The following APBB1IP variants were observed in gnomAD, a reference collection of about 807,000 sequenced individuals.
APBB1IP encodes the protein amyloid beta precursor protein binding family B member 1 interacting protein.
In APBB1IP, 27 loss-of-function variants were observed where a neutral mutation model predicts 64.9. The observed-to-expected ratio is 0.42, with a 90% CI of 0.31 to 0.57. APBB1IP has a LOEUF of 0.57. Among genes scored for constraint, APBB1IP ranks in the 20% least tolerant of loss-of-function variants. The probability of loss-of-function intolerance (pLI) is 0.20; values close to 1 mark genes in which losing one functional copy is unlikely to be tolerated. For synonymous variants in APBB1IP, 392 were observed against 331.0 expected (o/e 1.18, Z -2.00); for missense variants, 812 against 845.5 (o/e 0.96, Z 0.49).
In APBB1IP at chr10:26,545,872, C is replaced by A. The variant is rs145008690; in HGVS notation, c.1155+4180C>A. On this transcript the variant is annotated intron_variant, in intron 11 of 14. Transcript: ENST00000376236. ...GGCTGAGGTACGAGAATCGCTTGAA[C>A]CCCGGGAGGTGGAGGTTGCAGTGAG... is the stretch of plus-strand genomic sequence containing the variant. Among the ~76,000 whole-genome samples, 927 of 150,854 alleles carry A rather than the reference C, an allele frequency of 6.1e-3. 18 individuals carry two copies. Among genetic ancestry groups the A allele is most frequent in the South Asian group, 0.055 (264 of 4,766 alleles).
At chr10:26,504,540 T>A (rs1214758348) in intron 6 of APBB1IP, among the ~76,000 whole-genome samples, 2 of 152,036 alleles carry the variant, frequency 1.3e-5, no homozygotes, top group South Asian at 2.1e-4. Flanking sequence ...TGAAACCCTG[T>A]CTATACTAAA....
At chr10:26,554,780 G>T (rs970512506) in intron 11 of APBB1IP, among the ~76,000 whole-genome samples, 3 of 152,002 alleles carry the variant, frequency 2.0e-5, no homozygotes, top group Admixed American at 1.3e-4. Context: ...ATGGGGTTTA[G>T]CTATGTTGCC....
intron 8 of APBB1IP, among the ~76,000 whole-genome samples, chr10:26,530,228 C>CTTTTCTT (rs1554778617): frequency 3.5e-5 from 1 of 28,940 alleles, no homozygotes. Context: ...TTTTCTTTTT[C>CTTTTCTT]TTTTTTTTTT....
At chr10:26,561,322 C>T (rs1272706834) in intron 13 of APBB1IP, among the ~76,000 whole-genome samples, 2 of 150,940 alleles carry the variant, frequency 1.3e-5, no homozygotes, top group South Asian at 2.1e-4. Context: ...CCTGCCTCAG[C>T]CTCCCAAAGT....
chr10:26,551,944 T>C (rs1836836222), intron 11 of APBB1IP, among the ~76,000 whole-genome samples: 1 of 151,762 alleles, frequency 6.6e-6, no homozygotes, highest in East Asian at 1.9e-4. Flanking sequence ...GATGGATGGA[T>C]GGATGGATGG....
intron 7 of APBB1IP, among the ~76,000 whole-genome samples, chr10:26,513,127 A>G (rs1355876535): frequency 1.3e-5 from 2 of 152,230 alleles, no homozygotes; most frequent in African/African-American, 2.4e-5. Context: ...ATATGAAAAA[A>G]GTATGTCTCT....
chr10:26,503,106 C>T, intron 5 of APBB1IP, 91 bp from the exon 6 acceptor site: 1 of 1,214,630 alleles, frequency 8.2e-7, no homozygotes, highest in South Asian at 1.5e-5. Flanking sequence ...TTTGTTAATA[C>T]AACGTAGCTG....
At chr10:26,440,036 C>A (rs896500279) in intron 2 of APBB1IP, among the ~76,000 whole-genome samples, 11 of 152,220 alleles carry the variant, frequency 7.2e-5, no homozygotes, top group East Asian at 5.8e-4. Flanking sequence ...GTCTGCTCAA[C>A]GTGTGTTGTG....
chr10:26,491,370 T>C (rs1389591398), intron 2 of APBB1IP, among the ~76,000 whole-genome samples: 4 of 152,132 alleles, frequency 2.6e-5, no homozygotes, highest in African/African-American at 9.7e-5. Context: ...GATGAAACAA[T>C]TGATTACCTT....
intron 11 of APBB1IP, 99 bp from the exon 12 acceptor site, chr10:26,560,006 C>A: frequency 1.0e-6 from 1 of 977,548 alleles, no homozygotes; most frequent in Non-Finnish European, 1.6e-6. Flanking sequence ...ACATAAATCA[C>A]ATATATTGTT....
intron 2 of APBB1IP, among the ~76,000 whole-genome samples, chr10:26,464,687 G>C (rs933998111): frequency 3.3e-5 from 5 of 152,210 alleles, no homozygotes; most frequent in African/African-American, 1.2e-4. Context: ...GGGATTACAG[G>C]CGTGAGCCAC....
At chr10:26,465,309 C>T (rs111290479) in intron 2 of APBB1IP, among the ~76,000 whole-genome samples, 99 of 152,286 alleles carry the variant, frequency 6.5e-4, no homozygotes, top group Non-Finnish European at 1.1e-3. Flanking sequence ...CATGAATGTG[C>T]TCAGATCTTA....
chr10:26,480,497 T>C (rs1351163491), intron 2 of APBB1IP, among the ~76,000 whole-genome samples: 3 of 151,990 alleles, frequency 2.0e-5, no homozygotes, highest in African/African-American at 7.3e-5. Flanking sequence ...GAGGGAGTGA[T>C]CAATAATATT....
intron 6 of APBB1IP, among the ~76,000 whole-genome samples, chr10:26,504,001 C>T (rs1032667062): frequency 2.6e-5 from 4 of 152,204 alleles, no homozygotes; most frequent in African/African-American, 9.6e-5. Flanking sequence ...CCAGGGCTCC[C>T]TTCCTTTGAG....
At chr10:26,486,395 C>T (rs1424104176) in intron 2 of APBB1IP, among the ~76,000 whole-genome samples, 1 of 151,932 alleles carries the variant, frequency 6.6e-6, no homozygotes, top group Non-Finnish European at 1.5e-5. Context: ...ATTCCTCGAC[C>T]GACTAGATGG....
intron 2 of APBB1IP, among the ~76,000 whole-genome samples, chr10:26,446,895 G>GATAGAA (rs1554772367): frequency 0.2 from 18,598 of 93,868 alleles, 1,330 homozygotes; most frequent in South Asian, 0.28. Context: ...GATAGAAATA[G>GATAGAA]ATAGATATGG....
chr10:26,531,339 A>T (rs1836550374), intron 8 of APBB1IP, among the ~76,000 whole-genome samples: 1 of 151,260 alleles, frequency 6.6e-6, no homozygotes, highest in Non-Finnish European at 1.5e-5. Flanking sequence ...CTGTCTCAAA[A>T]AAACAAAAAA....
chr10:26,472,415 T>A (rs891784747), intron 2 of APBB1IP, among the ~76,000 whole-genome samples: 1 of 152,238 alleles, frequency 6.6e-6, no homozygotes, highest in Admixed American at 6.5e-5. Flanking sequence ...CTCATGTCTT[T>A]ATCTCTATTT....
At chr10:26,520,019 C>T (rs1052198476) in intron 8 of APBB1IP, among the ~76,000 whole-genome samples, 7 of 152,198 alleles carry the variant, frequency 4.6e-5, no homozygotes, top group African/African-American at 1.7e-4. Flanking sequence ...CACAGTGGCT[C>T]GTGCCTGTAA....
Sources: gnomAD v4.1 joint callset for allele counts (sites outside exome capture counted in the v4.1 genomes callset) on GRCh38, gnomAD v4.1.1 for gene constraint, MANE v1.5 for transcripts, NCBI Gene and HGNC (gene_info 2026-07-23, HGNC 2026-07-21) for gene names.